The following ASXL3 variants were observed in gnomAD, a reference collection of about 807,000 sequenced individuals.
The protein encoded by ASXL3 is ASXL transcriptional regulator 3.
Under a neutral mutation model 170.6 loss-of-function variants are expected in ASXL3, and 34 were observed. The observed-to-expected ratio is 0.20, with a 90% CI of 0.15 to 0.27. The LOEUF (loss-of-function observed/expected upper bound fraction) is 0.27, where lower values mean the gene tolerates loss of function less well. Among genes scored for constraint, ASXL3 ranks in the 10% least tolerant of loss-of-function variants. The pLI is 1.00. For synonymous variants in ASXL3, 1,002 were observed against 989.1 expected, an observed-to-expected ratio of 1.01 and a Z score of -0.24; for missense variants, 2,592 against 2,695.3, an observed-to-expected ratio of 0.96 and a Z score of 0.85.
intron 1 of ASXL3, among the ~76,000 whole-genome samples, chr18:33,597,423 A>T (rs781668298): frequency 2.6e-5 from 4 of 152,056 alleles, no homozygotes; most frequent in Non-Finnish European, 5.9e-5. Context: ...CTATTATTTT[A>T]TGGTATGTAT....
At chr18:33,630,591 T>G (rs2065663035) in intron 2 of ASXL3, among the ~76,000 whole-genome samples, 1 of 151,966 alleles carries the variant, frequency 6.6e-6, no homozygotes, top group Non-Finnish European at 1.5e-5. Context: ...TTAAGTTAGT[T>G]ATTTTTAGAC....
chr18:33,597,793 C>CAAAAAAAAAA (rs34304405), intron 1 of ASXL3, among the ~76,000 whole-genome samples: 1 of 132,578 alleles, frequency 7.5e-6, no homozygotes, highest in Non-Finnish European at 1.6e-5. Context: ...CTCTCATCTA[C>CAAAAAAAAAA]AAAAAAAAAA....
intron 11 of ASXL3, among the ~76,000 whole-genome samples, chr18:33,742,595 A>C (rs1339365095): frequency 6.6e-6 from 1 of 152,200 alleles, no homozygotes; most frequent in Non-Finnish European, 1.5e-5. Flanking sequence ...AGAAGCATGA[A>C]TTTTGTATCC....
At chr18:33,588,559 T>C (rs934199889) in intron 1 of ASXL3, among the ~76,000 whole-genome samples, 4 of 152,054 alleles carry the variant, frequency 2.6e-5, no homozygotes, top group African/African-American at 7.2e-5. Context: ...TCCATGCTTA[T>C]TGCATGAGAC....
intron 2 of ASXL3, among the ~76,000 whole-genome samples, chr18:33,625,152 A>C (rs79375438): frequency 0.026 from 3,999 of 152,190 alleles, 196 homozygotes; most frequent in African/African-American, 0.092. Flanking sequence ...TTTCTAGTGT[A>C]TCATTATCGT....
chr18:33,703,000 ATTAAATTTCAGTTCC>A (rs1360518168), intron 8 of ASXL3, among the ~76,000 whole-genome samples: 1 of 152,160 alleles, frequency 6.6e-6, no homozygotes, highest in African/African-American at 2.4e-5. Context: ...GTCTGATAAA[ATTAAATTTCAGTTCC>A]TTTGCAGAGT....
chr18:33,641,155 T>C (rs2065840909), intron 2 of ASXL3, among the ~76,000 whole-genome samples: 1 of 152,130 alleles, frequency 6.6e-6, no homozygotes, highest in Admixed American at 6.6e-5. Context: ...TTCATTCCTT[T>C]CACTAAGTAT....
intron 1 of ASXL3, among the ~76,000 whole-genome samples, chr18:33,601,944 C>G (rs1230211724): frequency 6.6e-6 from 1 of 151,504 alleles, no homozygotes; most frequent in African/African-American, 2.4e-5. Context: ...GCACACACCA[C>G]TATGCCTTGC....
rs192799974 is a variant in ASXL3 at position 33,699,920 on chromosome 18, C to T, written c.879+16352C>T. Among the ~76,000 whole-genome samples the T allele has an allele frequency of 2.1e-4, 32 of 151,708 alleles. 1 individual carries two copies. In the Middle Eastern group the frequency reaches 0.017, roughly 81 times the overall value. ...TATTGAGTTTTTCAGATAAATATAT[C>T]GCTTATAAGAATGATAATTTTATCT... On this transcript the variant is annotated intron_variant, in intron 8 of 11. Transcript: ENST00000269197.
intron 8 of ASXL3, among the ~76,000 whole-genome samples, chr18:33,691,217 C>A (rs1472307459): frequency 6.6e-6 from 1 of 152,188 alleles, no homozygotes; most frequent in Non-Finnish European, 1.5e-5. Flanking sequence ...TTGGCCAGCT[C>A]CTATCAGGAT....
chr18:33,750,329 CT>C lies in ASXL3; in HGVS notation c.*3740del, dbSNP rs547534578. On this transcript the variant is annotated 3_prime_UTR_variant, in exon 12 of 12. Coordinates refer to ENST00000269197, the MANE Select transcript of ASXL3 (RefSeq NM_030632.3). ...TTTTTACTATAATTTAAAGGAGCTG[CT>C]TTTTTATAGCACATACTATTTCGCT... The C allele has an allele frequency of 6.6e-6, 1 of 152,128 alleles. No individual in the cohort carries two copies. Among genetic ancestry groups the C allele is most frequent in the Non-Finnish European group, 1.5e-5 (1 of 68,012 alleles). 9.4% of individuals were successfully genotyped at this position (152,128 alleles called of 1,614,324 possible). A position where few individuals can be genotyped will look rare whatever the true frequency, so the allele number is the denominator to read the frequency against.
chr18:33,676,847 T>C (rs1443847984), intron 7 of ASXL3, among the ~76,000 whole-genome samples: 2 of 152,220 alleles, frequency 1.3e-5, no homozygotes, highest in Admixed American at 1.3e-4. Flanking sequence ...ACAACCCTAA[T>C]ACATTATCAT....
chr18:33,718,209 C>G (rs998688417), intron 8 of ASXL3, among the ~76,000 whole-genome samples: 4 of 152,122 alleles, frequency 2.6e-5, no homozygotes, highest in East Asian at 1.9e-4. Context: ...ATAGTCTGCT[C>G]TTTCTAATCC....
intron 2 of ASXL3, among the ~76,000 whole-genome samples, chr18:33,643,629 TA>T (rs2145196622): frequency 6.6e-6 from 1 of 152,044 alleles, no homozygotes; most frequent in East Asian, 1.9e-4. Flanking sequence ...GCCTTGCTAT[TA>T]AGTGTGTTCT....
In ASXL3 at chr18:33,653,863, CT is replaced by C. The variant is rs144398825; in HGVS notation, c.355+7520del. ...TGCTTTTAATTAAGCTAATTTGCTC[CT>C]TTTTTTTTTCTGTGCTCTGATGATA... On this transcript the variant is annotated intron_variant, in intron 4 of 11. Coordinates refer to ENST00000269197, the MANE Select transcript of ASXL3 (RefSeq NM_030632.3). Among the ~76,000 whole-genome samples, 625 of 148,982 alleles carry C rather than the reference CT, an allele frequency of 4.2e-3. 5 individuals are homozygous for C. The highest frequency in any genetic ancestry group is 0.013 in the African/African-American group (520 of 40,790).
chr18:33,681,068 G>T (rs2066506415), intron 7 of ASXL3, among the ~76,000 whole-genome samples: 1 of 151,344 alleles, frequency 6.6e-6, no homozygotes. Flanking sequence ...TACTTCCAGA[G>T]TTTTAATGAA....
chr18:33,659,727 A>C (rs2145229079), intron 4 of ASXL3, among the ~76,000 whole-genome samples: 1 of 152,262 alleles, frequency 6.6e-6, no homozygotes, highest in South Asian at 2.1e-4. Flanking sequence ...AAGCCTAGGA[A>C]GCATAGTTTA....
chr18:33,684,780 G>A (rs1363192901), intron 8 of ASXL3, among the ~76,000 whole-genome samples: 1 of 152,038 alleles, frequency 6.6e-6, no homozygotes, highest in East Asian at 1.9e-4. Context: ...TAAGCTTGAG[G>A]GGAAAAGTAC....
intron 1 of ASXL3, chr18:33,579,011 C>G (rs1053889959): frequency 1.8e-4 from 30 of 169,996 alleles, no homozygotes; most frequent in Non-Finnish European, 8.7e-5. Context: ...CGACTTCCCT[C>G]TCTGCCGCTC....
Sources: gnomAD v4.1 joint callset for allele counts (sites outside exome capture counted in the v4.1 genomes callset) on GRCh38, gnomAD v4.1.1 for gene constraint, MANE v1.5 for transcripts, NCBI Gene and HGNC (gene_info 2026-07-23, HGNC 2026-07-21) for gene names.